The following VPS29 variants were observed in gnomAD, a reference collection of about 807,000 sequenced individuals.
VPS29 encodes vacuolar protein sorting-associated protein 29.
In VPS29, 2 loss-of-function variants were observed where a neutral mutation model predicts 20.0. The ratio of observed to expected loss-of-function variants is 0.10; its 90% CI spans 0.04 to 0.31. The LOEUF (loss-of-function observed/expected upper bound fraction) is 0.31. VPS29 is among the 10% of genes least tolerant of loss of function. VPS29 has a pLI of 1.00. For missense variants in VPS29, 120 were observed against 215.3 expected (o/e 0.56, Z 2.77); for synonymous variants, 81 against 79.3 (o/e 1.02, Z -0.12).
At chr12:110,493,433 C>CA (rs1365732248) in intron 2 of VPS29, among the ~76,000 whole-genome samples, 2 of 151,142 alleles carry the variant, frequency 1.3e-5, no homozygotes, top group African/African-American at 4.9e-5. Flanking sequence ...CATCTTGGCT[C>CA]ACTGTAACCT....
chr12:110,492,948 C>T (rs1406682659), intron 3 of VPS29, 48 bp downstream of exon 3: 1 of 1,501,336 alleles, frequency 6.7e-7, no homozygotes, highest in African/African-American at 1.4e-5. Context: ...GTCACACATG[C>T]AATTATTTTA....
Position 110,501,402 on chromosome 12 carries a change from A to C in VPS29, c.3+647T>G, listed in dbSNP as rs1298834872. The C allele has an allele frequency of 2.0e-6, 3 of 1,535,244 alleles. No homozygotes were observed. The African/African-American group carries it at 4.1e-5, about 21-fold the overall frequency. The stretch of plus-strand genomic sequence containing the variant: ...AACAGTTTCAATGAGTTCACACATC[A>C]TTAAGGAATCCTACCCTAAAGAGGC... On this transcript the variant is annotated intron_variant, in intron 1 of 3. Coordinates refer to ENST00000549578, the MANE Select transcript of VPS29 (RefSeq NM_016226.5).
intron 1 of VPS29, chr12:110,501,511 G>A: frequency 6.5e-7 from 1 of 1,535,450 alleles, no homozygotes; most frequent in Non-Finnish European, 8.7e-7. Context: ...CATCTCAATG[G>A]CAGCTAGATG....
intron 1 of VPS29, chr12:110,501,287 T>C: frequency 8.3e-7 from 1 of 1,198,972 alleles, no homozygotes; most frequent in Non-Finnish European, 1.2e-6. Flanking sequence ...GGTGAAGGGG[T>C]GATTGCTTGA....
intron 2 of VPS29, 88 bp from the exon 3 acceptor site, chr12:110,493,319 A>C: frequency 3.0e-6 from 3 of 989,398 alleles, no homozygotes; most frequent in Non-Finnish European, 4.2e-6. Flanking sequence ...TCAATCTCCT[A>C]TGGATGTTTT....
intron 1 of VPS29, chr12:110,496,485 T>C (rs182903907): frequency 3.9e-6 from 1 of 253,298 alleles, no homozygotes; most frequent in Admixed American, 4.9e-5. Context: ...CAATCTTATT[T>C]TGGTTGTAAA....
At chr12:110,501,886 C>T (rs765228786) in intron 1 of VPS29, 163 bp downstream of exon 1, 1 of 1,511,806 alleles carries the variant, frequency 6.6e-7, no homozygotes, top group South Asian at 1.2e-5. Context: ...CGCTCCCTTC[C>T]TTCCCTAGAC....
At chr12:110,499,370 G>T in intron 1 of VPS29, 1 of 986,492 alleles carries the variant, frequency 1.0e-6, no homozygotes. Context: ...GAAAGCAAAA[G>T]ATCCTGGAAA....
chr12:110,501,542 G>A, intron 1 of VPS29: 14 of 1,535,436 alleles, frequency 9.1e-6, no homozygotes, highest in Non-Finnish European at 1.2e-5. Flanking sequence ...AGCGAGGAGG[G>A]TGGTTTATTC....
intron 1 of VPS29, chr12:110,501,762 C>A: frequency 3.7e-6 from 4 of 1,081,908 alleles, no homozygotes; most frequent in Non-Finnish European, 5.5e-6. Flanking sequence ...CTGGCTCGGG[C>A]GTGCGTGTCT....
intron 1 of VPS29, among the ~76,000 whole-genome samples, chr12:110,498,198 C>T (rs779212230): frequency 2.0e-5 from 3 of 152,122 alleles, no homozygotes; most frequent in Non-Finnish European, 4.4e-5. Flanking sequence ...TCTCCAACAT[C>T]TGACCTCAGG....
intron 1 of VPS29, chr12:110,501,468 C>A (rs2063040592): frequency 6.5e-7 from 1 of 1,535,342 alleles, no homozygotes; most frequent in African/African-American, 1.4e-5. Context: ...CAATTGCAAG[C>A]GCCAAATCCC....
intron 1 of VPS29, chr12:110,501,796 G>A (rs1041005000): frequency 1.8e-6 from 2 of 1,102,980 alleles, no homozygotes; most frequent in African/African-American, 1.5e-5. Context: ...GCTGCTAGAG[G>A]GGCCTTTTTA....
chr12:110,499,909 G>A lies in VPS29; in HGVS notation c.3+2140C>T, dbSNP rs2062973144. On this transcript the variant is annotated intron_variant, in intron 1 of 3. Coordinates refer to ENST00000549578, the MANE Select transcript of VPS29 (RefSeq NM_016226.5). ...TTTTTATAAGATTTTATAAAATAAT[G>A]AATTTGGATTTCTACAAGACACTGT... Among the ~76,000 whole-genome samples the A allele has an allele frequency of 2.6e-5, 4 of 152,228 alleles. No individual in the cohort carries two copies. The South Asian group carries it at 6.2e-4, about 24-fold the overall frequency.
rs1256989909 is a variant in VPS29, at chr12:110,493,236, C to T, written c.196-5G>A. 6.7e-7 allele frequency: 1 copy of T among 1,481,744 alleles called. No homozygotes were observed. Among genetic ancestry groups the T allele is most frequent in the Non-Finnish European group, 9.0e-7 (1 of 1,114,190 alleles). 91.8% of individuals were successfully genotyped at this position (1,481,744 alleles called of 1,614,324 possible). A position where few individuals can be genotyped will look rare whatever the true frequency, so the allele number is the denominator to read the frequency against. On this transcript the variant is annotated splice_polypyrimidine_tract_variant and splice_region_variant and intron_variant, in intron 2 of 3. Transcript: ENST00000549578. ...CTGTTCTGGATAATTCAGATTCTAACATAAGAAAAAGACGTAAGAAAATAT... is the reference window on the plus strand; with the variant it reads ...CTGTTCTGGATAATTCAGATTCTAATATAAGAAAAAGACGTAAGAAAATAT...
At chr12:110,498,951 G>A in intron 1 of VPS29, 1 of 557,876 alleles carries the variant, frequency 1.8e-6, no homozygotes, top group Non-Finnish European at 2.3e-6. Context: ...AGAAGAAGAA[G>A]AACAACAACA....
chr12:110,493,362 A>ATTT (rs1174705851), intron 2 of VPS29, 131 bp from the exon 3 acceptor site: 96 of 467,658 alleles, frequency 2.1e-4, no homozygotes, highest in African/African-American at 1.2e-3. Flanking sequence ...ACATTTATAC[A>ATTT]TTTTTTTTTT....
intron 1 of VPS29, chr12:110,499,628 A>G: frequency 9.5e-7 from 1 of 1,057,354 alleles, no homozygotes; most frequent in Non-Finnish European, 1.4e-6. Flanking sequence ...AAAGAAAGCA[A>G]CAAAAAGAAA....
rs748131738 is a variant in VPS29 at position 110,496,200 on chromosome 12, C to T, written c.7G>A (p.Val3Met). The change falls in exon 2 of 4, where the codon GTG becomes ATG. Residue 3 changes from valine to methionine, a missense_variant. Physicochemically the swap from Val to Met is conservative, Grantham distance 21. Coordinates refer to ENST00000549578, the MANE Select transcript of VPS29 (RefSeq NM_016226.5). ML[V>M]LVLGDLHIPH... ...ATGTGCAGATCTCCTAATACCAACA[C>T]CAACTTTAAAGTGTCAAGGTGAGAT... The T allele has an allele frequency of 7.5e-6, 12 of 1,602,032 alleles. No homozygotes were observed. Among genetic ancestry groups the T allele is most frequent in the South Asian group, 1.1e-5 (1 of 90,360 alleles).
Sources: gnomAD v4.1 joint callset for allele counts (sites outside exome capture counted in the v4.1 genomes callset) on GRCh38, gnomAD v4.1.1 for gene constraint, MANE v1.5 for transcripts, NCBI Gene and HGNC (gene_info 2026-07-23, HGNC 2026-07-21) for gene names.